Variants in MUC5B observed in about 807,000 individuals in gnomAD.
MUC5B encodes the protein mucin-5B.
In MUC5B, 116 loss-of-function variants were observed where a neutral mutation model predicts 376.9. The observed-to-expected ratio is 0.31, with a 90% CI of 0.26 to 0.36. MUC5B has a LOEUF of 0.36. Among genes scored for constraint, MUC5B ranks in the 10% least tolerant of loss-of-function variants. The pLI, the probability that MUC5B is intolerant of heterozygous loss-of-function variation, is 1.00. For missense variants in MUC5B, 7,165 were observed against 7,769.9 expected, an observed-to-expected ratio of 0.92 and a Z score of 2.93; for synonymous variants, 3,517 against 3,390.9, an observed-to-expected ratio of 1.04 and a Z score of -1.29.
In MUC5B at chr11:1,227,123, G is replaced by A; in HGVS notation, c.554G>A (p.Trp185Ter). 6.2e-7 allele frequency: 1 copy of A among 1,612,328 alleles called. No homozygotes were observed. Among genetic ancestry groups the A allele is most frequent in the Non-Finnish European group, 8.5e-7 (1 of 1,179,608 alleles). ...VSIRLVLTFL[W>*]NGEDSALLEL... is the part of the protein sequence containing the mutation. ...ATCCGGCTGGTGCTGACATTCCTGT[G>A]GAACGGAGAGGACAGTGCCCTGGTG... Residue 185 changes from tryptophan to a stop codon, truncating the protein, a stop_gained, in exon 5 of 49, where the codon TGG becomes TAG. Transcript: ENST00000529681. LOFTEE classifies it high-confidence loss of function.
Position 1,252,862 on chromosome 11 carries a change from C to T in MUC5B, c.15099C>T (p.Asp5033=), listed in dbSNP as rs1233551748. 17 of 1,612,448 alleles carry T rather than the reference C, an allele frequency of 1.1e-5. No homozygotes were observed. Among genetic ancestry groups the T allele is most frequent in the Middle Eastern group, 1.6e-4 (1 of 6,062 alleles). ...ENCTVARCVG[D]NRVVLLDPKP... is the part of the protein sequence containing the mutation. ...GCACGGTGGCCAGGTGCGTGGGTGA[C>T]AACCGTGTCGTCCTGCTGGACCCAA... Residue 5033 remains aspartate, a synonymous_variant, in exon 33 of 49, where the codon GAC becomes GAT. Coordinates refer to ENST00000529681, the MANE Select transcript of MUC5B (RefSeq NM_002458.3).
In MUC5B at chr11:1,242,449, T is replaced by G; in HGVS notation, c.5569T>G (p.Cys1857Gly). 1 of 1,613,768 alleles carries G rather than the reference T, an allele frequency of 6.2e-7. No homozygotes were observed. Among genetic ancestry groups the G allele is most frequent in the Non-Finnish European group, 8.5e-7 (1 of 1,179,802 alleles). ...CTGCAGCCTGGAGACGGGGCTGACC[T>G]GCAAGAACGAAGACCAGACAGGCAG... ...LTCSLETGLTCKNEDQTGRFN... is the reference protein window; with the variant it reads ...LTCSLETGLTGKNEDQTGRFN... Residue 1857 changes from cysteine to glycine, a missense_variant, in exon 31 of 49, where the codon TGC becomes GGC. This residue lies in a region of MUC5B where 897 missense variants were observed against 779.6 expected (regional missense o/e 1.15). Coordinates refer to ENST00000529681, the MANE Select transcript of MUC5B (RefSeq NM_002458.3).
rs373203357 is a variant in MUC5B at position 1,248,076 on chromosome 11, G to A, written c.11196G>A (p.Thr3732=). ...LTEPSTTATV[T]VPTGSTATAS... is the part of the protein sequence containing the mutation. ...AGCCGAGCACTACAGCCACCGTGAC[G>A]GTGCCCACCGGATCCACGGCCACCG... The change falls in exon 31 of 49, where the codon ACG becomes ACA. Residue 3732 remains threonine, a synonymous_variant. Transcript: ENST00000529681. The A allele has an allele frequency of 2.3e-4, 376 of 1,600,392 alleles. 3 individuals are homozygous for A. In the African/African-American group the frequency reaches 4.5e-3, roughly 19 times the overall value.
rs751817852 is a variant in MUC5B at position 1,226,797 on chromosome 11, G to A, written c.382G>A (p.Val128Met). ...LRRGLVGSRPVVTRVVIKAQG... is the reference protein window; with the variant it reads ...LRRGLVGSRPMVTRVVIKAQG... ...CCGAGGCCTAGTGGGCTCCAGGCCT[G>A]TGGTCACCCGTGTTGTCATCAAGGC... Residue 128 changes from valine (V) to methionine (M), a missense_variant, in exon 4 of 49, where the codon GTG (valine) becomes ATG (methionine). This residue lies in a region of MUC5B where 640 missense variants were observed against 733.0 expected (regional missense o/e 0.87). Transcript: ENST00000529681. The A allele has an allele frequency of 6.2e-7, 1 of 1,611,962 alleles. No homozygotes were observed. Among genetic ancestry groups the A allele is most frequent in the East Asian group, 2.2e-5 (1 of 44,866 alleles).
Position 1,260,677 on chromosome 11 carries a change from A to T in MUC5B, c.17018A>T (p.Glu5673Val). ...ACCATCCTGTGGCACCAGGGCTGCGAGACCGAGGTCAACATCACCTTCTGC... is the reference window on the plus strand; with the variant it reads ...ACCATCCTGTGGCACCAGGGCTGCGTGACCGAGGTCAACATCACCTTCTGC... ...NTTILWHQGC[E>V]TEVNITFCEG... is the part of the protein sequence containing the mutation. The change falls in exon 48 of 49, where the codon GAG becomes GTG. Residue 5673 changes from glutamate to valine, a missense_variant. By Grantham distance (121) the Glu-to-Val change is moderately radical. This residue lies in a region of MUC5B where 842 missense variants were observed against 1,016.9 expected (regional missense o/e 0.83). Transcript: ENST00000529681. The T allele has an allele frequency of 6.2e-7, 1 of 1,612,632 alleles. No homozygotes were observed. Among genetic ancestry groups the T allele is most frequent in the African/African-American group, 1.3e-5 (1 of 75,062 alleles).
At position 1,240,288 on chromosome 11, in the gene MUC5B, A is replaced by G. The variant is rs539988882; in HGVS notation, c.3883A>G (p.Ile1295Val). ...CGCCATCTGCGGAAGCAACGGCACC[A>G]TCATCAGGAAGGCTGTGGCATGTCC... ...LIAICGSNGT[I>V]IRKAVACPGT... The change falls in exon 30 of 49, where the codon ATC becomes GTC. Residue 1295 changes from isoleucine (I) to valine (V), a missense_variant. Ile to Val is a conservative substitution (Grantham distance 29). Coordinates refer to ENST00000529681, the MANE Select transcript of MUC5B (RefSeq NM_002458.3). 14 of 1,613,690 alleles carry G rather than the reference A, an allele frequency of 8.7e-6. 1 individual carries two copies. The highest frequency in any genetic ancestry group is 8.0e-5 in the African/African-American group (6 of 75,040).
At position 1,247,033 on chromosome 11, in the gene MUC5B, G is replaced by T. The variant is rs1216308377; in HGVS notation, c.10153G>T (p.Gly3385Cys). The T allele has an allele frequency of 1.5e-5, 23 of 1,552,318 alleles. No individual in the cohort carries two copies. The highest frequency in any genetic ancestry group is 2.0e-5 in the Non-Finnish European group (23 of 1,147,958). The change falls in exon 31 of 49, where the codon GGT becomes TGT. Residue 3385 changes from glycine (G) to cysteine (C), a missense_variant. By Grantham distance (159) the Gly-to-Cys change is radical. This residue lies in a region of MUC5B where 939 missense variants were observed against 770.6 expected (regional missense o/e 1.22). Transcript: ENST00000529681. ...ATPSSSTQTSGTPPSLTTTAT... is the reference protein window; with the variant it reads ...ATPSSSTQTSCTPPSLTTTAT... ...ACCCTCCTCTAGCACACAGACCAGT[G>T]GTACTCCCCCATCACTGACCACCAC...
chr11:1,249,499 G>A lies in MUC5B; in HGVS notation c.12619G>A (p.Val4207Met), dbSNP rs749870137. Residue 4207 changes from valine (V) to methionine (M), a missense_variant, in exon 31 of 49, where the codon GTG becomes ATG. Physicochemically the swap from Val to Met is conservative, Grantham distance 21. This residue lies in a region of MUC5B where 38 missense variants were observed against 72.5 expected (regional missense o/e 0.52). Coordinates refer to ENST00000529681, the MANE Select transcript of MUC5B (RefSeq NM_002458.3). ...CCTGGTCTGCAGGAACCGTGAGCAG[G>A]TGGGGAAGTTCAAGATGTGCTTCAA... The part of the protein sequence containing the change: ...FGLVCRNREQ[V>M]GKFKMCFNYE... 1.5e-5 allele frequency: 24 copies of A among 1,611,472 alleles called. No individual in the cohort carries two copies. Among genetic ancestry groups the A allele is most frequent in the African/African-American group, 4.0e-5 (3 of 74,762 alleles).
In MUC5B at chr11:1,256,223, T is replaced by C. The variant is rs2133851164; in HGVS notation, c.16134T>C (p.Ser5378=). The C allele has an allele frequency of 2.8e-6, 2 of 726,850 alleles. No individual in the cohort carries two copies. Among genetic ancestry groups the C allele is most frequent in the East Asian group, 2.7e-5 (1 of 37,658 alleles). The allele number at this position is 726,850 out of a possible 1,614,324, so 45.0% of individuals were successfully genotyped here. ...CGPIQPATCN[S]RNQSPQLEGM... ...CCATACAGCCTGCCACCTGCAACTC[T>C]AGGTAAGTACAGGGATGGCTGGTGC... The change falls in exon 38 of 49, where the codon TCT becomes TCC. Residue 5378 remains serine (S), a splice_region_variant and synonymous_variant. Transcript: ENST00000529681.
chr11:1,240,766 G>A, intron 30 of MUC5B, 85 bp from the exon 31 acceptor site: 1 of 1,289,574 alleles, frequency 7.8e-7, no homozygotes, highest in Non-Finnish European at 1.1e-6. Context: ...CAGCCCTGGG[G>A]AAAGGGTCCT....
rs181297239 is a variant in MUC5B at position 1,250,836 on chromosome 11, G to A, written c.13956G>A (p.Leu4652=). The part of the protein sequence containing the change: ...IPGTTHTARV[L]TTTTTTVATG... ...GGACCACCCACACCGCCAGAGTGCTGACCACCACCACCACAACTGTGGCCA... is the reference window on the plus strand; with the variant it reads ...GGACCACCCACACCGCCAGAGTGCTAACCACCACCACCACAACTGTGGCCA... The change falls in exon 31 of 49, where the codon CTG becomes CTA. Residue 4652 remains leucine, a synonymous_variant. Coordinates refer to ENST00000529681, the MANE Select transcript of MUC5B (RefSeq NM_002458.3). The A allele has an allele frequency of 5.3e-4, 853 of 1,611,934 alleles. 6 individuals carry two copies. The African/African-American group carries it at 0.011, about 20-fold the overall frequency.
Position 1,232,446 on chromosome 11 carries a change from A to G in MUC5B, c.1844-4A>G. 1 of 1,602,138 alleles carries G rather than the reference A, an allele frequency of 6.2e-7. No homozygotes were observed. The highest frequency in any genetic ancestry group is 2.3e-5 in the East Asian group (1 of 44,102). ...GTGGAGATGAGGTCAGGTCTTCCCC[A>G]CAGAGAACTACGCCCGGCACTGGTG... is the stretch of plus-strand genomic sequence containing the variant. On this transcript the variant is annotated splice_polypyrimidine_tract_variant and splice_region_variant and intron_variant, in intron 15 of 48. Transcript: ENST00000529681.
rs1862303967 is a variant in MUC5B, at chr11:1,242,198, C to T, written c.5318C>T (p.Thr1773Ile). 1.2e-6 allele frequency: 2 copies of T among 1,613,656 alleles called. No individual in the cohort carries two copies. Among genetic ancestry groups the T allele is most frequent in the African/African-American group, 2.7e-5 (2 of 75,058 alleles). ...ACAGAGACGACAATGAGCCCCTTGA[C>T]TAACACCACCACCAGCCAGGGCACG... ...PRTETTMSPL[T>I]NTTTSQGTTR... The change falls in exon 31 of 49, where the codon ACT (threonine) becomes ATT (isoleucine). Residue 1773 changes from threonine (T) to isoleucine (I), a missense_variant. This residue lies in a region of MUC5B where 897 missense variants were observed against 779.6 expected (regional missense o/e 1.15). Coordinates refer to ENST00000529681, the MANE Select transcript of MUC5B (RefSeq NM_002458.3).
intron 13 of MUC5B, among the ~76,000 whole-genome samples, 186 bp from the exon 14 acceptor site, chr11:1,231,237 G>A (rs1024853708): frequency 2.6e-5 from 4 of 152,260 alleles, no homozygotes; most frequent in Non-Finnish European, 5.9e-5. Context: ...CAGGGAGCCC[G>A]GTCTCCACCT....
chr11:1,254,511 C>T (rs749584725), intron 34 of MUC5B, among the ~76,000 whole-genome samples, 160 bp downstream of exon 34: 2 of 152,210 alleles, frequency 1.3e-5, no homozygotes, highest in Admixed American at 1.3e-4. Context: ...TAAGGCCGAG[C>T]GCACCCTGTG....
Position 1,244,211 on chromosome 11 carries a change from C to T in MUC5B, c.7331C>T (p.Thr2444Ile), listed in dbSNP as rs750671669. The T allele has an allele frequency of 2.5e-6, 4 of 1,612,312 alleles. No homozygotes were observed. In the Admixed American group the frequency reaches 5.0e-5, roughly 20 times the overall value. The change falls in exon 31 of 49, where the codon ACT (threonine) becomes ATT (isoleucine). Residue 2444 changes from threonine (T) to isoleucine (I), a missense_variant. Physicochemically the swap from Thr to Ile is moderately conservative, Grantham distance 89 (BLOSUM62 -1). Transcript: ENST00000529681. Reference protein sequence around the residue: ...WILTELTTTATTTESTGSTAT... With the variant: ...WILTELTTTAITTESTGSTAT... ...CTCACAGAGCTGACCACAACAGCCA[C>T]TACGACTGAGTCCACTGGATCCACG...
At chr11:1,259,617 C>T (rs1293859568) in intron 44 of MUC5B, 139 bp from the exon 45 acceptor site, 3 of 781,048 alleles carry the variant, frequency 3.8e-6, no homozygotes, top group Non-Finnish European at 6.2e-6. Context: ...TGAGTGGGGG[C>T]AACTTCTTCG....
intron 18 of MUC5B, among the ~76,000 whole-genome samples, 154 bp from the exon 19 acceptor site, chr11:1,233,639 G>T (rs1862085403): frequency 6.6e-6 from 1 of 151,934 alleles, no homozygotes; most frequent in Non-Finnish European, 1.5e-5. Flanking sequence ...GGGATTTGGG[G>T]GCTCCCAGCA....
rs56260606 is a variant in MUC5B at position 1,232,231 on chromosome 11, C to T, written c.1843+71C>T. 2,823 of 1,480,594 alleles carry T rather than the reference C, an allele frequency of 1.9e-3. 51 individuals carry two copies. In the Admixed American group the frequency reaches 0.022, roughly 11 times the overall value. 91.7% of individuals were successfully genotyped at this position (1,480,594 alleles called of 1,614,324 possible). ...ACCCAGCACCTTCCTGTCCCCTGGG[C>T]CACGGGGACCCCTGGGTGGGATTGG... is the stretch of plus-strand genomic sequence containing the variant. On this transcript the variant is annotated intron_variant, in intron 15 of 48. Coordinates refer to ENST00000529681, the MANE Select transcript of MUC5B (RefSeq NM_002458.3).
Sources: allele counts gnomAD v4.1 joint callset (sites outside exome capture counted in the v4.1 genomes callset), GRCh38; gene constraint gnomAD v4.1.1; regional missense constraint gnomAD v4.1.1; transcripts MANE v1.5; gene names NCBI Gene and HGNC (gene_info 2026-07-23, HGNC 2026-07-21).